SRGAP2: variants seen among roughly 807,000 people sequenced by gnomAD.
SRGAP2 encodes the protein SLIT-ROBO Rho GTPase activating protein 2.
In SRGAP2, 15 loss-of-function variants were observed where a neutral mutation model predicts 57.2. The ratio of observed to expected loss-of-function variants is 0.26; its 90% CI spans 0.18 to 0.40. The LOEUF (loss-of-function observed/expected upper bound fraction) is 0.40, where lower values mean the gene tolerates loss of function less well. Ranked by LOEUF, SRGAP2 falls within the 10% of genes least tolerant of loss-of-function variation. SRGAP2 has a pLI of 1.00. For missense variants in SRGAP2, 520 were observed against 669.6 expected (o/e 0.78, Z 2.47); for synonymous variants, 249 against 248.0 (o/e 1.00, Z -0.04).
chr1:206,347,562 G>A (rs535821188), intron 4 of SRGAP2, among the ~76,000 whole-genome samples: 1 of 150,818 alleles, frequency 6.6e-6, no homozygotes, highest in African/African-American at 2.5e-5. Context: ...AGGCAACAGA[G>A]CAAGACTTCG....
intron 2 of SRGAP2, among the ~76,000 whole-genome samples, chr1:206,253,164 C>T (rs1482748770): frequency 6.6e-6 from 1 of 151,152 alleles, no homozygotes; most frequent in Admixed American, 6.6e-5. Flanking sequence ...GCTGGTCTGT[C>T]GAGGAGAACG....
chr1:206,425,625 C>T (rs1178979128), intron 13 of SRGAP2, among the ~76,000 whole-genome samples: 7 of 152,144 alleles, frequency 4.6e-5, no homozygotes, highest in South Asian at 2.1e-4. Context: ...ACCTCTGCCT[C>T]CTCAATTCAA....
chr1:206,339,630 GA>G (rs1186126438), intron 3 of SRGAP2, among the ~76,000 whole-genome samples: 1 of 150,788 alleles, frequency 6.6e-6, no homozygotes, highest in African/African-American at 2.4e-5. Context: ...TTTTTAAATT[GA>G]AATGTGATTT....
intron 2 of SRGAP2, among the ~76,000 whole-genome samples, chr1:206,270,500 C>T (rs1397049557): frequency 4.5e-5 from 6 of 132,936 alleles, no homozygotes; most frequent in South Asian, 5.0e-4. Context: ...TGGTTTCCTT[C>T]TACCACTTTA....
At chr1:206,311,391 G>A (rs1357831427) in intron 3 of SRGAP2, among the ~76,000 whole-genome samples, 1 of 152,154 alleles carries the variant, frequency 6.6e-6, no homozygotes, top group East Asian at 1.9e-4. Flanking sequence ...AGGGCTTTAG[G>A]GAGGTCAAGT....
chr1:206,391,744 G>A (rs868955871), intron 5 of SRGAP2, among the ~76,000 whole-genome samples: 1 of 151,420 alleles, frequency 6.6e-6, no homozygotes, highest in Non-Finnish European at 1.5e-5. Flanking sequence ...GAAACAGAAA[G>A]TTCCCACAGA....
At chr1:206,394,684 C>T (rs369015048) in intron 7 of SRGAP2, among the ~76,000 whole-genome samples, 13,143 of 150,238 alleles carry the variant, frequency 0.087, 1,273 homozygotes, top group African/African-American at 0.24. Context: ...AGGAAAGCGG[C>T]TAATAGGCAC....
chr1:206,343,199 G>GA (rs1675348085), intron 4 of SRGAP2, among the ~76,000 whole-genome samples, 191 bp downstream of exon 4: 1 of 146,574 alleles, frequency 6.8e-6, no homozygotes, highest in Non-Finnish European at 1.5e-5. Context: ...AAGTTGGAAA[G>GA]AAAAAATAAA....
chr1:206,310,195 T>C (rs1672534529), intron 3 of SRGAP2, among the ~76,000 whole-genome samples: 1 of 151,490 alleles, frequency 6.6e-6, no homozygotes, highest in Admixed American at 6.6e-5. Flanking sequence ...AAAATGGCAA[T>C]TTCATATGGT....
Position 206,461,531 on chromosome 1 carries a change from GTTC to G in SRGAP2, c.*114_*116del. On this transcript the variant is annotated 3_prime_UTR_variant, in exon 23 of 23. Coordinates refer to ENST00000573034, the MANE Select transcript of SRGAP2 (RefSeq NM_015326.5). ...TCAGTTGAAAATTAGGTTCTAAGTT[GTTC>G]TTGCAGGAATTAGCCTCCCCGTCTC... The G allele has an allele frequency of 1.5e-6, 1 of 654,442 alleles. No homozygotes were observed. Among genetic ancestry groups the G allele is most frequent in the Non-Finnish European group, 2.8e-6 (1 of 358,336 alleles). 40.5% of individuals were successfully genotyped at this position (654,442 alleles called of 1,614,324 possible). A position where few individuals can be genotyped will look rare whatever the true frequency, so the allele number is the denominator to read the frequency against.
intron 2 of SRGAP2, among the ~76,000 whole-genome samples, chr1:206,283,613 C>G (rs1249254243): frequency 4.6e-5 from 7 of 151,264 alleles, no homozygotes; most frequent in Non-Finnish European, 8.9e-5. Flanking sequence ...GAGGCAGAGG[C>G]CGCAGTGAGC....
chr1:206,229,123 A>T (rs1351690465), intron 2 of SRGAP2, among the ~76,000 whole-genome samples: 1 of 152,128 alleles, frequency 6.6e-6, no homozygotes, highest in East Asian at 1.9e-4. Flanking sequence ...AAAATAATGA[A>T]GGAAGCCTAT....
chr1:206,428,062 A>G (rs1350564133), intron 13 of SRGAP2, among the ~76,000 whole-genome samples: 3 of 152,176 alleles, frequency 2.0e-5, no homozygotes, highest in African/African-American at 7.2e-5. Flanking sequence ...TGATCGCACC[A>G]CTGCACTCCA....
chr1:206,355,731 C>T (rs111464953), intron 4 of SRGAP2, among the ~76,000 whole-genome samples: 1 of 152,112 alleles, frequency 6.6e-6, no homozygotes. Context: ...CTTTGGGAGG[C>T]GGAGGCAGGT....
At chr1:206,348,339 C>T (rs1675804524) in intron 4 of SRGAP2, among the ~76,000 whole-genome samples, 1 of 149,682 alleles carries the variant, frequency 6.7e-6, no homozygotes, top group South Asian at 2.1e-4. Context: ...TTGCTGCCAC[C>T]TTCATTTGTT....
intron 13 of SRGAP2, among the ~76,000 whole-genome samples, chr1:206,422,776 G>A (rs1660429549): frequency 6.6e-6 from 1 of 152,202 alleles, no homozygotes. Context: ...GCATCCTGCT[G>A]CACATAAGCA....
At chr1:206,363,564 G>A (rs1677065893) in intron 4 of SRGAP2, among the ~76,000 whole-genome samples, 2 of 151,880 alleles carry the variant, frequency 1.3e-5, no homozygotes, top group South Asian at 4.2e-4. Context: ...CTGGTTCAGG[G>A]TTCAGTTTAG....
At chr1:206,387,125 CAAAAA>C (rs782327960) in intron 5 of SRGAP2, among the ~76,000 whole-genome samples, 1 of 83,544 alleles carries the variant, frequency 1.2e-5, no homozygotes, top group Admixed American at 1.4e-4. Context: ...GACTCTGTCT[CAAAAA>C]AAAAAAAAAA....
At chr1:206,447,306 C>T (rs1467799249) in intron 18 of SRGAP2, among the ~76,000 whole-genome samples, 6 of 152,172 alleles carry the variant, frequency 3.9e-5, no homozygotes, top group South Asian at 2.1e-4. Context: ...CCATTGCTAT[C>T]GACTGAGGTA....
Sources: allele counts gnomAD v4.1 joint callset (sites outside exome capture counted in the v4.1 genomes callset), GRCh38; gene constraint gnomAD v4.1.1; transcripts MANE v1.5; gene names NCBI Gene and HGNC (gene_info 2026-07-23, HGNC 2026-07-21).